The following PINX1 variants were observed in gnomAD, a reference collection of about 807,000 sequenced individuals.
PINX1 encodes the protein PIN2/TERF1-interacting telomerase inhibitor 1.
In PINX1, 34 loss-of-function variants were observed where a neutral mutation model predicts 25.4. That is an observed-to-expected ratio of 1.34 (90% confidence interval 1.02 to 1.78). The LOEUF (loss-of-function observed/expected upper bound fraction) is 1.78, where lower values mean the gene tolerates loss of function less well. Ranked by LOEUF, PINX1 falls within the 40% of genes most tolerant of loss-of-function variation. PINX1 has a pLI of 0.00. For missense variants in PINX1, 592 were observed against 404.9 expected (o/e 1.46, Z -3.97); for synonymous variants, 197 against 147.7 (o/e 1.33, Z -2.42).
chr8:10,797,200 T>C (rs1802111652), intron 6 of PINX1, among the ~76,000 whole-genome samples: 1 of 152,194 alleles, frequency 6.6e-6, no homozygotes, highest in African/African-American at 2.4e-5. Flanking sequence ...GCCAGGTTAC[T>C]TTAACCTTTG....
At chr8:10,823,379 C>T (rs765498356) in intron 5 of PINX1, among the ~76,000 whole-genome samples, 1 of 152,096 alleles carries the variant, frequency 6.6e-6, no homozygotes, top group African/African-American at 2.4e-5. Context: ...AACTGCATAA[C>T]TGAGGGGAGG....
intron 5 of PINX1, among the ~76,000 whole-genome samples, chr8:10,823,731 G>A (rs929056001): frequency 4.6e-5 from 7 of 152,216 alleles, no homozygotes; most frequent in South Asian, 4.1e-4. Context: ...GGGAGGCTAA[G>A]GCAGGACGAT....
chr8:10,782,178 T>C lies in PINX1; in HGVS notation c.472-16262A>G, dbSNP rs58918920. On this transcript the variant is annotated intron_variant, in intron 6 of 6. Coordinates refer to ENST00000314787, the MANE Select transcript of PINX1 (RefSeq NM_017884.6). ...GTGGTTACTGGAGCAGGGTGGGGGA[T>C]AGAAATGGGGAGATGTAGGTCAAAG... Among the ~76,000 whole-genome samples the C allele has an allele frequency of 4.8e-3, 728 of 152,078 alleles. 3 individuals carry two copies. The highest frequency in any genetic ancestry group is 0.017 in the African/African-American group (694 of 41,452).
intron 6 of PINX1, among the ~76,000 whole-genome samples, chr8:10,767,710 CG>C (rs1801099109): frequency 1.3e-5 from 2 of 152,192 alleles, no homozygotes; most frequent in Non-Finnish European, 2.9e-5. Flanking sequence ...CTCCCAAAGA[CG>C]GGCACCCTCA....
intron 6 of PINX1, among the ~76,000 whole-genome samples, chr8:10,811,939 T>G (rs762606376): frequency 6.6e-6 from 1 of 152,154 alleles, no homozygotes; most frequent in Non-Finnish European, 1.5e-5. Context: ...AAGGGCCCAC[T>G]TAGAAGAGCA....
chr8:10,804,580 G>A (rs1052325665), intron 6 of PINX1, among the ~76,000 whole-genome samples: 3 of 152,060 alleles, frequency 2.0e-5, no homozygotes, highest in Non-Finnish European at 4.4e-5. Flanking sequence ...CTCTCAAAAC[G>A]CTCTGAAAGG....
chr8:10,799,583 G>A (rs979383351), intron 6 of PINX1, among the ~76,000 whole-genome samples: 2 of 152,182 alleles, frequency 1.3e-5, no homozygotes, highest in African/African-American at 2.4e-5. Context: ...GGCCTGACTG[G>A]GAGAAAGCAT....
intron 6 of PINX1, among the ~76,000 whole-genome samples, chr8:10,785,207 T>C (rs1801710566): frequency 6.6e-6 from 1 of 152,204 alleles, no homozygotes; most frequent in Non-Finnish European, 1.5e-5. Flanking sequence ...CAGATAAGCA[T>C]CAAGAGATAT....
intron 6 of PINX1, among the ~76,000 whole-genome samples, chr8:10,782,431 A>AAT (rs570717592): frequency 6.7e-5 from 10 of 149,544 alleles, no homozygotes; most frequent in African/African-American, 7.4e-5. Context: ...AAAAAAAAAA[A>AAT]TTTTTTTTTT....
intron 6 of PINX1, among the ~76,000 whole-genome samples, chr8:10,781,826 C>G (rs1458507183): frequency 2.0e-5 from 3 of 152,190 alleles, no homozygotes; most frequent in East Asian, 3.8e-4. Context: ...CCAGCAACCC[C>G]TCTTCTGGAA....
chr8:10,777,941 C>T (rs1476403633), intron 6 of PINX1, among the ~76,000 whole-genome samples: 1 of 152,192 alleles, frequency 6.6e-6, no homozygotes, highest in Non-Finnish European at 1.5e-5. Context: ...CAGCAATCTC[C>T]TGGGGCCAGG....
At chr8:10,800,521 G>C (rs1292505165) in intron 6 of PINX1, among the ~76,000 whole-genome samples, 1 of 150,686 alleles carries the variant, frequency 6.6e-6, no homozygotes, top group Non-Finnish European at 1.5e-5. Context: ...CCAGGCTGGA[G>C]TGCAGTGGCG....
At chr8:10,800,045 T>C (rs1802217336) in intron 6 of PINX1, among the ~76,000 whole-genome samples, 1 of 152,354 alleles carries the variant, frequency 6.6e-6, no homozygotes, top group South Asian at 2.1e-4. Context: ...CATCCCGGAC[T>C]CTTTCTACTA....
chr8:10,838,427 C>T (rs1211445571), intron 1 of PINX1, among the ~76,000 whole-genome samples: 1 of 152,182 alleles, frequency 6.6e-6, no homozygotes, highest in Non-Finnish European at 1.5e-5. Context: ...GCATTTTACA[C>T]CTCTATACTT....
At chr8:10,820,738 G>A (rs1334906269) in intron 5 of PINX1, among the ~76,000 whole-genome samples, 4 of 152,044 alleles carry the variant, frequency 2.6e-5, no homozygotes, top group African/African-American at 9.7e-5. Context: ...GAATGAGAAC[G>A]TATCATATTT....
intron 6 of PINX1, among the ~76,000 whole-genome samples, chr8:10,817,986 G>A (rs1384029740): frequency 2.0e-5 from 3 of 152,150 alleles, no homozygotes; most frequent in African/African-American, 7.2e-5. Context: ...CCTGGACCCT[G>A]ACCGAAGATT....
chr8:10,774,727 T>C (rs1378240366), intron 6 of PINX1, among the ~76,000 whole-genome samples: 3 of 152,222 alleles, frequency 2.0e-5, no homozygotes, highest in African/African-American at 4.8e-5. Flanking sequence ...AAAAGTCTCG[T>C]CTTTCAATTC....
At chr8:10,833,164 C>CA (rs1230269536) in intron 2 of PINX1, among the ~76,000 whole-genome samples, 180 bp from the exon 3 acceptor site, 1 of 152,164 alleles carries the variant, frequency 6.6e-6, no homozygotes, top group East Asian at 1.9e-4. Flanking sequence ...AATTAGCACT[C>CA]ATCTGTAAGA....
intron 4 of PINX1, among the ~76,000 whole-genome samples, chr8:10,827,202 T>C (rs1464436560): frequency 1.3e-5 from 2 of 152,102 alleles, no homozygotes; most frequent in African/African-American, 2.4e-5. Flanking sequence ...CTTTAAAAAG[T>C]AAATAAAGGT....
Sources: gnomAD v4.1 joint callset for allele counts (sites outside exome capture counted in the v4.1 genomes callset) on GRCh38, gnomAD v4.1.1 for gene constraint, MANE v1.5 for transcripts, NCBI Gene and HGNC (gene_info 2026-07-23, HGNC 2026-07-21) for gene names.